PAK5: variants seen among roughly 807,000 people sequenced by gnomAD.
PAK5 encodes serine/threonine-protein kinase PAK 5.
A neutral mutation model predicts 65.9 loss-of-function variants in PAK5; 16 were observed. The ratio of observed to expected loss-of-function variants is 0.24; its 90% CI spans 0.16 to 0.37. The LOEUF (loss-of-function observed/expected upper bound fraction) is 0.37. PAK5 is among the 10% of genes least tolerant of loss of function. PAK5 has a pLI of 1.00. For missense variants in PAK5, 785 were observed against 903.9 expected, an observed-to-expected ratio of 0.87 and a Z score of 1.69; for synonymous variants, 371 against 354.9, an observed-to-expected ratio of 1.05 and a Z score of -0.51.
In PAK5 at chr20:9,785,521, CG is replaced by C. The variant is rs2048983275; in HGVS notation, c.-162+53240del. ...TCCACTCTTTGTATTTCCCTCTGAG[CG>C]TATCTCCTTGGAAAATTATCAAGTC... On this transcript the variant is annotated intron_variant, in intron 1 of 9. Coordinates refer to ENST00000353224, the MANE Select transcript of PAK5 (RefSeq NM_177990.4). Among the ~76,000 whole-genome samples the C allele has an allele frequency of 2.6e-5, 4 of 152,100 alleles. No homozygotes were observed. In the South Asian group the frequency reaches 8.3e-4, roughly 32 times the overall value.
intron 1 of PAK5, among the ~76,000 whole-genome samples, chr20:9,816,915 C>G (rs1180733489): frequency 6.6e-6 from 1 of 152,142 alleles, no homozygotes; most frequent in African/African-American, 2.4e-5. Context: ...CACCTGGAAT[C>G]TTGTGTCTGC....
chr20:9,618,840 G>A (rs916379470), intron 3 of PAK5, among the ~76,000 whole-genome samples: 3 of 149,218 alleles, frequency 2.0e-5, no homozygotes, highest in African/African-American at 7.4e-5. Flanking sequence ...ATATGTTTCA[G>A]GACTGGAGGT....
intron 7 of PAK5, among the ~76,000 whole-genome samples, chr20:9,551,398 C>A (rs2045425433): frequency 6.6e-6 from 1 of 152,188 alleles, no homozygotes; most frequent in Non-Finnish European, 1.5e-5. Context: ...TACACAAGGA[C>A]CACACAAGGA....
At chr20:9,769,407 G>T (rs951056319) in intron 1 of PAK5, among the ~76,000 whole-genome samples, 1 of 152,208 alleles carries the variant, frequency 6.6e-6, no homozygotes, top group African/African-American at 2.4e-5. Flanking sequence ...AACTACACAG[G>T]TGTCTCTGTG....
chr20:9,628,189 A>G (rs1470015984), intron 3 of PAK5, among the ~76,000 whole-genome samples: 1 of 152,192 alleles, frequency 6.6e-6, no homozygotes, highest in Non-Finnish European at 1.5e-5. Flanking sequence ...AAGCTATTCA[A>G]TCCTTACTCC....
chr20:9,563,733 G>A (rs2045628065), intron 5 of PAK5, among the ~76,000 whole-genome samples: 1 of 152,150 alleles, frequency 6.6e-6, no homozygotes, highest in African/African-American at 2.4e-5. Flanking sequence ...ATATTGCTCT[G>A]TGTGTTCTGG....
chr20:9,581,021 A>T, intron 3 of PAK5, 91 bp from the exon 4 acceptor site: 1 of 961,462 alleles, frequency 1.0e-6, no homozygotes, highest in Non-Finnish European at 1.6e-6. Context: ...TCCAAATTAA[A>T]CTACAGAAGA....
At chr20:9,655,507 C>G (rs1430802877) in intron 2 of PAK5, among the ~76,000 whole-genome samples, 1 of 151,880 alleles carries the variant, frequency 6.6e-6, no homozygotes, top group Non-Finnish European at 1.5e-5. Context: ...ACACATATCA[C>G]TTGCTTCTAA....
intron 2 of PAK5, among the ~76,000 whole-genome samples, chr20:9,709,090 A>G (rs2048045855): frequency 6.6e-6 from 1 of 152,132 alleles, no homozygotes; most frequent in South Asian, 2.1e-4. Context: ...TCAGAATCCC[A>G]TCATTTCTTA....
Position 9,647,304 on chromosome 20 carries a change from C to G in PAK5, c.-11-2965G>C, listed in dbSNP as rs143313701. Among the ~76,000 whole-genome samples the G allele has an allele frequency of 3.7e-3, 565 of 152,278 alleles. 3 individuals are homozygous for G. Among genetic ancestry groups the G allele is most frequent in the African/African-American group, 0.013 (539 of 41,538 alleles). On this transcript the variant is annotated intron_variant, in intron 2 of 9. Coordinates refer to ENST00000353224, the MANE Select transcript of PAK5 (RefSeq NM_177990.4). Reference sequence around the variant, plus strand: ...CCATCTCTCTAAATTATTTAGTGAGCATAAAATACATTTGAAAATATAATT... The same window carrying G: ...CCATCTCTCTAAATTATTTAGTGAGGATAAAATACATTTGAAAATATAATT...
chr20:9,595,913 A>G (rs1472835442), intron 3 of PAK5, among the ~76,000 whole-genome samples: 3 of 151,264 alleles, frequency 2.0e-5, no homozygotes, highest in South Asian at 2.1e-4. Context: ...AAAAAAATCA[A>G]ATTTATAGCT....
intron 3 of PAK5, among the ~76,000 whole-genome samples, chr20:9,587,858 A>G (rs913258461): frequency 6.6e-6 from 1 of 152,204 alleles, no homozygotes; most frequent in African/African-American, 2.4e-5. Flanking sequence ...AGTCAGCATT[A>G]TATGTATATA....
intron 1 of PAK5, among the ~76,000 whole-genome samples, chr20:9,724,291 TA>T (rs979004543): frequency 4.6e-5 from 7 of 152,210 alleles, no homozygotes; most frequent in Non-Finnish European, 1.5e-5. Context: ...CTCTCAAGTG[TA>T]AGTTTTCAAG....
chr20:9,713,678 A>G (rs1433270163), intron 1 of PAK5, among the ~76,000 whole-genome samples: 1 of 152,156 alleles, frequency 6.6e-6, no homozygotes, highest in Non-Finnish European at 1.5e-5. Flanking sequence ...AATACTATTC[A>G]GTCACAAAAA....
chr20:9,700,394 G>C (rs1430041032), intron 2 of PAK5, among the ~76,000 whole-genome samples: 2 of 152,218 alleles, frequency 1.3e-5, no homozygotes, highest in African/African-American at 2.4e-5. Flanking sequence ...CTGGGTGACA[G>C]AGTGAGACTC....
intron 3 of PAK5, among the ~76,000 whole-genome samples, chr20:9,589,169 G>A (rs2046121610): frequency 6.6e-6 from 1 of 152,128 alleles, no homozygotes. Context: ...AGGTTAATAA[G>A]CTAAATATTT....
At chr20:9,650,002 G>T (rs1209343431) in intron 2 of PAK5, among the ~76,000 whole-genome samples, 4 of 152,158 alleles carry the variant, frequency 2.6e-5, no homozygotes, top group African/African-American at 9.7e-5. Context: ...AGTACAAACT[G>T]GTCCATGCTC....
chr20:9,756,648 G>A (rs1380777160), intron 1 of PAK5, among the ~76,000 whole-genome samples: 1 of 151,988 alleles, frequency 6.6e-6, no homozygotes, highest in East Asian at 1.9e-4. Flanking sequence ...GGATGTACTG[G>A]GTTAAGAAAT....
Position 9,624,165 on chromosome 20 carries a change from AC to A in PAK5, c.204+19959del, listed in dbSNP as rs536212378. Among the ~76,000 whole-genome samples the A allele has an allele frequency of 8.9e-4, 135 of 152,356 alleles. 1 individual carries two copies. Among genetic ancestry groups the A allele is most frequent in the African/African-American group, 3.2e-3 (133 of 41,584 alleles). On this transcript the variant is annotated intron_variant, in intron 3 of 9. Transcript: ENST00000353224. ...ATCACAATTCTAGAGAAAGACTTAA[AC>A]ATACTTATCTCAAAATTTGGCAGAA...
Sources: gnomAD v4.1 joint callset for allele counts (sites outside exome capture counted in the v4.1 genomes callset) on GRCh38, gnomAD v4.1.1 for gene constraint, MANE v1.5 for transcripts, NCBI Gene and HGNC (gene_info 2026-07-23, HGNC 2026-07-21) for gene names.